Variants in TMEM174 observed in about 807,000 individuals in gnomAD.
TMEM174 encodes the protein transmembrane protein 174.
Under a neutral mutation model 15.1 loss-of-function variants are expected in TMEM174, and 11 were observed. The ratio of observed to expected loss-of-function variants is 0.73; its 90% CI spans 0.46 to 1.20. The LOEUF is 1.20. Among genes scored for constraint, TMEM174 ranks in the 50% most tolerant of loss-of-function variants. TMEM174 has a pLI of 0.00. For synonymous variants in TMEM174, 130 were observed against 121.3 expected (o/e 1.07, Z -0.47); for missense variants, 321 against 303.6 (o/e 1.06, Z -0.43).
Position 73,173,208 on chromosome 5 carries a change from T to C in TMEM174, c.-36T>C. ...TGATTCCTTGGTTCTCACAATCCTC[T>C]CCACTCTAAGAAGCAGGGTGAGCCC... is the stretch of plus-strand genomic sequence containing the variant. On this transcript the variant is annotated 5_prime_UTR_variant, in exon 1 of 2. Transcript: ENST00000296776. 1 of 1,516,660 alleles carries C rather than the reference T, an allele frequency of 6.6e-7. No individual in the cohort carries two copies. The allele number at this position is 1,516,660 out of a possible 1,614,324, so 94.0% of individuals were successfully genotyped here.
At chr5:73,173,903 C>G (rs1745021972) in intron 1 of TMEM174, 34 bp downstream of exon 1, 2 of 1,598,122 alleles carry the variant, frequency 1.3e-6, no homozygotes, top group African/African-American at 1.3e-5. Flanking sequence ...TGCACTCCTT[C>G]TAGCCATCTC....
At chr5:73,173,968 C>A (rs1009008561) in intron 1 of TMEM174, 92 bp from the exon 2 acceptor site, 1 of 1,599,444 alleles carries the variant, frequency 6.3e-7, no homozygotes, top group African/African-American at 1.3e-5. Flanking sequence ...GACTGTGAAT[C>A]TCTTCTTAGC....
Position 73,174,776 on chromosome 5 carries a change from A to G in TMEM174, c.*611A>G, listed in dbSNP as rs550280124. 6.5e-6 allele frequency: 1 copy of G among 152,856 alleles called. No individual in the cohort carries two copies. Among genetic ancestry groups the G allele is most frequent in the African/African-American group, 2.4e-5 (1 of 41,594 alleles). The allele number at this position is 152,856 out of a possible 1,614,324, so 9.5% of individuals were successfully genotyped here. A position where few individuals can be genotyped will look rare whatever the true frequency, so the allele number is the denominator to read the frequency against. On this transcript the variant is annotated 3_prime_UTR_variant, in exon 2 of 2. Transcript: ENST00000296776. ...AAAATAAATCATGTCTCCTGCTAGA[A>G]TAGTATTGGATACCTGACTAAATTA...
Position 73,174,137 on chromosome 5 carries a change from A to G in TMEM174, c.704A>G (p.Tyr235Cys). 1 of 1,614,142 alleles carries G rather than the reference A, an allele frequency of 6.2e-7. No individual in the cohort carries two copies. ...EACACFSPPP[Y>C]EEIYSLPR is the part of the protein sequence containing the mutation. The stretch of plus-strand genomic sequence containing the variant: ...TGTGCCTGCTTCTCTCCTCCCCCTT[A>G]TGAAGAAATATACTCTCTCCCTCGC... Residue 235 changes from tyrosine to cysteine, a missense_variant, in exon 2 of 2, where the codon TAT becomes TGT. Coordinates refer to ENST00000296776, the MANE Select transcript of TMEM174 (RefSeq NM_153217.3).
chr5:73,173,549 A>G lies in TMEM174; in HGVS notation c.306A>G (p.Lys102=), dbSNP rs764644813. Residue 102 remains lysine, a synonymous_variant, in exon 1 of 2, where the codon AAA becomes AAG. Coordinates refer to ENST00000296776, the MANE Select transcript of TMEM174 (RefSeq NM_153217.3). ...AAATGCTCTCCTGCCAGTTGTGCAA[A>G]GAAAGTGAGGAAAGGGTCCCGGACT... ...KFKMLSCQLC[K]ESEERVPDSE... 34 of 1,614,116 alleles carry G rather than the reference A, an allele frequency of 2.1e-5. 1 individual carries two copies. The South Asian group carries it at 3.7e-4, about 18-fold the overall frequency.
rs1561178850 is a variant in TMEM174, at chr5:73,173,198, C to T, written c.-46C>T. The T allele has an allele frequency of 3.3e-6, 5 of 1,513,642 alleles. No individual in the cohort carries two copies. The highest frequency in any genetic ancestry group is 4.4e-6 in the Non-Finnish European group (5 of 1,132,752). The allele number at this position is 1,513,642 out of a possible 1,614,324, so 93.8% of individuals were successfully genotyped here. A position where few individuals can be genotyped will look rare whatever the true frequency, so the allele number is the denominator to read the frequency against. ...TTTGGACCTGTGATTCCTTGGTTCT[C>T]ACAATCCTCTCCACTCTAAGAAGCA... On this transcript the variant is annotated 5_prime_UTR_variant, in exon 1 of 2. Transcript: ENST00000296776.
At position 73,173,600 on chromosome 5, in the gene TMEM174, A is replaced by T; in HGVS notation, c.357A>T (p.Ser119=). 1 of 1,614,168 alleles carries T rather than the reference A, an allele frequency of 6.2e-7. No homozygotes were observed. Among genetic ancestry groups the T allele is most frequent in the Non-Finnish European group, 8.5e-7 (1 of 1,180,038 alleles). The change falls in exon 1 of 2, where the codon TCA becomes TCT. Residue 119 remains serine, a synonymous_variant. Transcript: ENST00000296776. The stretch of plus-strand genomic sequence containing the variant: ...CGGAACAGACACCAGGAGGACCATC[A>T]TTTGTTTTCACTGGCATCAACCAAC... ...PDSEQTPGGP[S]FVFTGINQPI...
chr5:73,174,093 A>G lies in TMEM174; in HGVS notation c.660A>G (p.Thr220=). 5 of 1,614,124 alleles carry G rather than the reference A, an allele frequency of 3.1e-6. No homozygotes were observed. The highest frequency in any genetic ancestry group is 2.5e-6 in the Non-Finnish European group (3 of 1,180,030). ...PNPDVDQLEE[T]QLEEEACACF... Reference sequence around the variant, plus strand: ...CTGATGTTGACCAGCTAGAAGAGACACAGCTGGAAGAGGAGGCCTGTGCCT... The same window carrying G: ...CTGATGTTGACCAGCTAGAAGAGACGCAGCTGGAAGAGGAGGCCTGTGCCT... The change falls in exon 2 of 2, where the codon ACA becomes ACG. Residue 220 remains threonine, a synonymous_variant. Transcript: ENST00000296776.
rs1372404934 is a variant in TMEM174, at chr5:73,174,204, G to T, written c.*39G>T. On this transcript the variant is annotated 3_prime_UTR_variant, in exon 2 of 2. Coordinates refer to ENST00000296776, the MANE Select transcript of TMEM174 (RefSeq NM_153217.3). ...ATAATAACACAATGCTCAGCTCAGG[G>T]AGCAAGTGTTTCCGTCATTGTTACC... 1 of 1,581,708 alleles carries T rather than the reference G, an allele frequency of 6.3e-7. No individual in the cohort carries two copies. The highest frequency in any genetic ancestry group is 1.7e-5 in the Admixed American group (1 of 59,962).
Position 73,174,145 on chromosome 5 carries a change from A to G in TMEM174, c.712A>G (p.Ile238Val). 2 of 1,614,120 alleles carry G rather than the reference A, an allele frequency of 1.2e-6. No homozygotes were observed. Among genetic ancestry groups the G allele is most frequent in the Non-Finnish European group, 1.7e-6 (2 of 1,180,000 alleles). The change falls in exon 2 of 2, where the codon ATA (isoleucine) becomes GTA (valine). Residue 238 changes from isoleucine (I) to valine (V), a missense_variant. Ile to Val is a conservative substitution (Grantham distance 29, BLOSUM62 3). Transcript: ENST00000296776. ...CTTCTCTCCTCCCCCTTATGAAGAAATATACTCTCTCCCTCGCTAGAGGCT... is the reference window on the plus strand; with the variant it reads ...CTTCTCTCCTCCCCCTTATGAAGAAGTATACTCTCTCCCTCGCTAGAGGCT... Reference protein sequence around the residue: ...ACFSPPPYEEIYSLPR With the variant: ...ACFSPPPYEEVYSLPR
In TMEM174 at chr5:73,173,598, T is replaced by A. The variant is rs776870547; in HGVS notation, c.355T>A (p.Ser119Thr). The change falls in exon 1 of 2, where the codon TCA becomes ACA. Residue 119 changes from serine (S) to threonine (T), a missense_variant. Ser to Thr is a moderately conservative substitution (Grantham distance 58). Coordinates refer to ENST00000296776, the MANE Select transcript of TMEM174 (RefSeq NM_153217.3). Reference protein sequence around the residue: ...PDSEQTPGGPSFVFTGINQPI... With the variant: ...PDSEQTPGGPTFVFTGINQPI... ...CTCGGAACAGACACCAGGAGGACCA[T>A]CATTTGTTTTCACTGGCATCAACCA... is the stretch of plus-strand genomic sequence containing the variant. 6.8e-6 allele frequency: 11 copies of A among 1,614,154 alleles called. No individual in the cohort carries two copies. The highest frequency in any genetic ancestry group is 9.3e-6 in the Non-Finnish European group (11 of 1,180,028).
rs2111942568 is a variant in TMEM174, at chr5:73,173,218, G to A, written c.-26G>A. The A allele has an allele frequency of 6.6e-7, 1 of 1,517,348 alleles. No individual in the cohort carries two copies. The highest frequency in any genetic ancestry group is 8.8e-7 in the Non-Finnish European group (1 of 1,134,492). 94.0% of individuals were successfully genotyped at this position (1,517,348 alleles called of 1,614,324 possible). ...GTTCTCACAATCCTCTCCACTCTAA[G>A]AAGCAGGGTGAGCCCACAAGGAGCA... On this transcript the variant is annotated 5_prime_UTR_variant, in exon 1 of 2. Transcript: ENST00000296776.
Position 73,173,855 on chromosome 5 carries a change from C to T in TMEM174, c.612C>T (p.Asp204=), listed in dbSNP as rs201696334. 7.0e-5 allele frequency: 113 copies of T among 1,611,788 alleles called. 1 individual carries two copies. The highest frequency in any genetic ancestry group is 5.0e-4 in the Middle Eastern group (3 of 6,054). ...ATGAGGGCTGCCTTTCTTTCACGGA[C>T]GGTGGAAATCACAGGTATGGCGTGT... The part of the protein sequence containing the change: ...VVDEGCLSFT[D]GGNHRPNPDV... The change falls in exon 1 of 2, where the codon GAC becomes GAT. Residue 204 remains aspartate (D), a synonymous_variant. Coordinates refer to ENST00000296776, the MANE Select transcript of TMEM174 (RefSeq NM_153217.3).
chr5:73,173,338 A>C lies in TMEM174; in HGVS notation c.95A>C (p.Asp32Ala). ...AGCACCGCTGACATCCAGGTGTCCG[A>C]TGATGACAAGGCGGGGGCCACCTTG... ...TPSTADIQVS[D>A]DDKAGATLLF... is the part of the protein sequence containing the mutation. The change falls in exon 1 of 2, where the codon GAT becomes GCT. Residue 32 changes from aspartate (D) to alanine (A), a missense_variant. Physicochemically the swap from Asp to Ala is moderately radical, Grantham distance 126. Transcript: ENST00000296776. The C allele has an allele frequency of 6.3e-7, 1 of 1,599,102 alleles. No individual in the cohort carries two copies. Among genetic ancestry groups the C allele is most frequent in the Non-Finnish European group, 8.5e-7 (1 of 1,171,022 alleles).
In TMEM174 at chr5:73,173,851, C is replaced by T. The variant is rs760309035; in HGVS notation, c.608C>T (p.Thr203Met). 1.1e-5 allele frequency: 18 copies of T among 1,612,118 alleles called. No homozygotes were observed. The highest frequency in any genetic ancestry group is 2.2e-5 in the East Asian group (1 of 44,828). Reference sequence around the variant, plus strand: ...GTTGATGAGGGCTGCCTTTCTTTCACGGACGGTGGAAATCACAGGTATGGC... The same window carrying T: ...GTTGATGAGGGCTGCCTTTCTTTCATGGACGGTGGAAATCACAGGTATGGC... ...FVVDEGCLSF[T>M]DGGNHRPNPD... Residue 203 changes from threonine (T) to methionine (M), a missense_variant, in exon 1 of 2, where the codon ACG becomes ATG. Physicochemically the swap from Thr to Met is moderately conservative, Grantham distance 81 (BLOSUM62 -1). Transcript: ENST00000296776.
rs370635221 is a variant in TMEM174, at chr5:73,174,452, A to T, written c.*287A>T. ...TCAGGAGCAGGAATTTCACTTTTTC[A>T]TCCACCACCCTCCCCCTTCTCTGTA... On this transcript the variant is annotated 3_prime_UTR_variant, in exon 2 of 2. Coordinates refer to ENST00000296776, the MANE Select transcript of TMEM174 (RefSeq NM_153217.3). 7.9e-5 allele frequency: 25 copies of T among 317,340 alleles called. 1 individual carries two copies. The highest frequency in any genetic ancestry group is 4.9e-4 in the African/African-American group (23 of 46,848). The allele number at this position is 317,340 out of a possible 1,614,324, so 19.7% of individuals were successfully genotyped here.
rs764887181 is a variant in TMEM174, at chr5:73,174,307, G to T, written c.*142G>T. 5.7e-6 allele frequency: 4 copies of T among 705,726 alleles called. No individual in the cohort carries two copies. Among genetic ancestry groups the T allele is most frequent in the South Asian group, 2.0e-5 (1 of 50,572 alleles). The allele number at this position is 705,726 out of a possible 1,614,324, so 43.7% of individuals were successfully genotyped here. A position where few individuals can be genotyped will look rare whatever the true frequency, so the allele number is the denominator to read the frequency against. The stretch of plus-strand genomic sequence containing the variant: ...GGCAGCCTGACAGAGATCATTCAAG[G>T]GGGGAAAGGGGAAGTGGGAGGTGCA... On this transcript the variant is annotated 3_prime_UTR_variant, in exon 2 of 2. Transcript: ENST00000296776.
chr5:73,173,438 C>T lies in TMEM174; in HGVS notation c.195C>T (p.Val65=). The T allele has an allele frequency of 5.0e-6, 8 of 1,614,226 alleles. No individual in the cohort carries two copies. The highest frequency in any genetic ancestry group is 6.8e-6 in the Non-Finnish European group (8 of 1,180,042). Residue 65 remains valine (V), a synonymous_variant, in exon 1 of 2, where the codon GTC becomes GTT. Transcript: ENST00000296776. ...TGGGCTGGATCAAATACCAAGGTGT[C>T]TCCCACTTTGAATGGACCCAGCTCC... ...TVMGWIKYQG[V]SHFEWTQLLG...
Position 73,174,169 on chromosome 5 carries a change from C to T in TMEM174, c.*4C>T, listed in dbSNP as rs769579791. The T allele has an allele frequency of 3.7e-6, 6 of 1,608,998 alleles. No individual in the cohort carries two copies. Among genetic ancestry groups the T allele is most frequent in the Non-Finnish European group, 5.1e-6 (6 of 1,175,284 alleles). On this transcript the variant is annotated 3_prime_UTR_variant, in exon 2 of 2. Transcript: ENST00000296776. The stretch of plus-strand genomic sequence containing the variant: ...AATATACTCTCTCCCTCGCTAGAGG[C>T]TATTCTGATATAATAACACAATGCT...
Sources: allele counts gnomAD v4.1 joint callset, GRCh38; gene constraint gnomAD v4.1.1; transcripts MANE v1.5; gene names NCBI Gene and HGNC (gene_info 2026-07-23, HGNC 2026-07-21).